Variants in RNF10 observed in about 807,000 individuals in gnomAD.
RNF10 encodes the protein ring finger protein 10, also known as E3 ubiquitin-protein ligase RNF10.
A neutral mutation model predicts 91.4 loss-of-function variants in RNF10; 38 were observed. The observed-to-expected ratio is 0.42, with a 90% CI of 0.32 to 0.54. The LOEUF (loss-of-function observed/expected upper bound fraction) is 0.54, where lower values mean the gene tolerates loss of function less well. Ranked by LOEUF, RNF10 falls within the 20% of genes least tolerant of loss-of-function variation. The pLI, the probability that RNF10 is intolerant of heterozygous loss-of-function variation, is 0.16. For synonymous variants in RNF10, 364 were observed against 366.3 expected (o/e 0.99, Z 0.07); for missense variants, 945 against 1,012.0 (o/e 0.93, Z 0.90).
chr12:120,546,584 G>T lies in RNF10; in HGVS notation c.337G>T (p.Gly113Cys), dbSNP rs1399859505. ...CAAACTCTTTAGCTCTTCTTTTAAT[G>T]GTGGAAGACGAGATGAGGTATGGAA... ...SSKLFSSSFNGGRRDEVAEAQ... is the reference protein window; with the variant it reads ...SSKLFSSSFNCGRRDEVAEAQ... Residue 113 changes from glycine to cysteine, a missense_variant, in exon 2 of 17, where the codon GGT becomes TGT. Coordinates refer to ENST00000325954, the MANE Select transcript of RNF10 (RefSeq NM_014868.5). The T allele has an allele frequency of 6.2e-7, 1 of 1,613,166 alleles. No homozygotes were observed. Among genetic ancestry groups the T allele is most frequent in the South Asian group, 1.1e-5 (1 of 91,008 alleles).
At chr12:120,540,145 A>G (rs1374354366) in intron 1 of RNF10, among the ~76,000 whole-genome samples, 1 of 142,940 alleles carries the variant, frequency 7.0e-6, no homozygotes, top group Admixed American at 7.1e-5. Flanking sequence ...TTTTTTTTGT[A>G]GAGATGGGGG....
intron 7 of RNF10, 83 bp from the exon 8 acceptor site, chr12:120,562,862 A>G (rs1875091990): frequency 6.4e-7 from 1 of 1,564,164 alleles, no homozygotes; most frequent in East Asian, 2.3e-5. Flanking sequence ...TCCTGTTGAG[A>G]GGCCATTCTA....
At chr12:120,558,404 T>C (rs959259306) in intron 6 of RNF10, among the ~76,000 whole-genome samples, 3 of 152,040 alleles carry the variant, frequency 2.0e-5, no homozygotes, top group Non-Finnish European at 4.4e-5. Context: ...CCTAGTGATT[T>C]TGACTGTTTA....
intron 7 of RNF10, among the ~76,000 whole-genome samples, chr12:120,561,148 A>G (rs1593094440): frequency 1.3e-5 from 2 of 152,310 alleles, no homozygotes; most frequent in East Asian, 3.9e-4. Context: ...GCAAGTCAAA[A>G]TGATTTTATA....
intron 10 of RNF10, among the ~76,000 whole-genome samples, chr12:120,564,733 T>C (rs1362267024): frequency 6.6e-6 from 1 of 152,254 alleles, no homozygotes; most frequent in African/African-American, 2.4e-5. Context: ...TGTTCTGTTT[T>C]TCTGCCAACA....
At position 120,566,922 on chromosome 12, in the gene RNF10, C is replaced by T. The variant is rs374793380; in HGVS notation, c.1983C>T (p.Thr661=). 5.0e-5 allele frequency: 80 copies of T among 1,613,636 alleles called. No homozygotes were observed. The African/African-American group carries it at 6.8e-4, about 14-fold the overall frequency. The stretch of plus-strand genomic sequence containing the variant: ...ATTCTGCTTTGGGTCCCACCAGCAC[C>T]GAGGGCCATGGGGCCCTCTCCATTT... ...SSDSALGPTS[T]EGHGALSISP... Residue 661 remains threonine (T), a synonymous_variant, in exon 13 of 17, where the codon ACC becomes ACT. Transcript: ENST00000325954.
At chr12:120,560,501 G>A (rs1379225702) in intron 6 of RNF10, among the ~76,000 whole-genome samples, 1 of 152,108 alleles carries the variant, frequency 6.6e-6, no homozygotes, top group Non-Finnish European at 1.5e-5. Flanking sequence ...CAATAAACGC[G>A]TGACTAAAGT....
At chr12:120,552,837 C>T in intron 3 of RNF10, 139 bp downstream of exon 3, 1 of 714,372 alleles carries the variant, frequency 1.4e-6, no homozygotes, top group Non-Finnish European at 2.3e-6. Context: ...CTGTTCACCA[C>T]TGCCCCGCCC....
chr12:120,549,912 A>G (rs1872794497), intron 2 of RNF10, among the ~76,000 whole-genome samples: 1 of 152,134 alleles, frequency 6.6e-6, no homozygotes, highest in Non-Finnish European at 1.5e-5. Flanking sequence ...GGGGGTAAAG[A>G]ATTGTTGGAG....
rs980630224 is a variant in RNF10 at position 120,534,804 on chromosome 12, C to T, written c.-8C>T. The T allele has an allele frequency of 6.4e-7, 1 of 1,565,908 alleles. No homozygotes were observed. Among genetic ancestry groups the T allele is most frequent in the African/African-American group, 1.4e-5 (1 of 73,152 alleles). On this transcript the variant is annotated 5_prime_UTR_variant, in exon 1 of 17. Transcript: ENST00000325954. ...CTCCGACTGCCGTCGCCGCCGAGGCCCCCGTTGATGCCGCTGAGCTCCCCC... is the reference window on the plus strand; with the variant it reads ...CTCCGACTGCCGTCGCCGCCGAGGCTCCCGTTGATGCCGCTGAGCTCCCCC...
intron 2 of RNF10, among the ~76,000 whole-genome samples, chr12:120,548,019 G>A (rs927427879): frequency 1.4e-4 from 22 of 152,154 alleles, no homozygotes; most frequent in African/African-American, 5.3e-4. Context: ...TGTGGGGTCT[G>A]AGCAGAGAAA....
At chr12:120,537,552 C>T (rs1200529674) in intron 1 of RNF10, among the ~76,000 whole-genome samples, 5 of 152,106 alleles carry the variant, frequency 3.3e-5, no homozygotes, top group Admixed American at 1.3e-4. Flanking sequence ...CCCTTGAAAC[C>T]GGGAGGCGGA....
At position 120,563,562 on chromosome 12, in the gene RNF10, A is replaced by T. The variant is rs771966728; in HGVS notation, c.1470A>T (p.Glu490Asp). The T allele has an allele frequency of 3.1e-6, 5 of 1,613,692 alleles. No homozygotes were observed. The African/African-American group carries it at 6.7e-5, about 22-fold the overall frequency. ...TTTGCACTGAGTCCAGCCAGCAGGA[A>T]CCCATCACCAAGTCAGGCTTCACAC... ...GTICTESSQQ[E>D]PITKSGFTRL... is the part of the protein sequence containing the mutation. The change falls in exon 9 of 17, where the codon GAA becomes GAT. Residue 490 changes from glutamate to aspartate, a missense_variant. Physicochemically the swap from Glu to Asp is conservative, Grantham distance 45. Coordinates refer to ENST00000325954, the MANE Select transcript of RNF10 (RefSeq NM_014868.5).
chr12:120,557,037 C>T (rs970004219), intron 4 of RNF10, among the ~76,000 whole-genome samples: 4 of 141,048 alleles, frequency 2.8e-5, no homozygotes, highest in East Asian at 4.2e-4. Flanking sequence ...CCAGCTACTC[C>T]AGAGGCTGAG....
Position 120,546,531 on chromosome 12 carries a change from T to A in RNF10, c.284T>A (p.Met95Lys). 6.2e-7 allele frequency: 1 copy of A among 1,614,216 alleles called. No homozygotes were observed. Among genetic ancestry groups the A allele is most frequent in the South Asian group, 1.1e-5 (1 of 91,090 alleles). The change falls in exon 2 of 17, where the codon ATG (methionine) becomes AAG (lysine). Residue 95 changes from methionine to lysine, a missense_variant. Physicochemically the swap from Met to Lys is moderately conservative, Grantham distance 95. Transcript: ENST00000325954. Reference protein sequence around the residue: ...SSQKSKTFNKMPPQRGGGSSK... With the variant: ...SSQKSKTFNKKPPQRGGGSSK... ...CAGAAAAGCAAGACTTTTAACAAGA[T>A]GCCTCCTCAAAGGGGCGGCGGCAGC...
At chr12:120,546,836 G>A (rs1039102533) in intron 2 of RNF10, among the ~76,000 whole-genome samples, 5 of 152,060 alleles carry the variant, frequency 3.3e-5, no homozygotes, top group African/African-American at 1.2e-4. Flanking sequence ...ACAAATTTGG[G>A]GTTCCTTAAT....
intron 2 of RNF10, among the ~76,000 whole-genome samples, chr12:120,548,903 C>T (rs1872673440): frequency 6.6e-6 from 1 of 151,890 alleles, no homozygotes; most frequent in African/African-American, 2.4e-5. Flanking sequence ...ATCTTCTGAC[C>T]TTGTGATCCG....
chr12:120,577,159 T>C lies in RNF10; in HGVS notation c.*493T>C, dbSNP rs571133541. On this transcript the variant is annotated 3_prime_UTR_variant, in exon 17 of 17. Coordinates refer to ENST00000325954, the MANE Select transcript of RNF10 (RefSeq NM_014868.5). ...GAAACAGGGGTGGGAATAAAATGGATTTAGGACACCCAGTTTGAATTGCAG... is the reference window on the plus strand; with the variant it reads ...GAAACAGGGGTGGGAATAAAATGGACTTAGGACACCCAGTTTGAATTGCAG... 1 of 452,064 alleles carries C rather than the reference T, an allele frequency of 2.2e-6. No individual in the cohort carries two copies. The highest frequency in any genetic ancestry group is 4.4e-6 in the Non-Finnish European group (1 of 225,554). The allele number at this position is 452,064 out of a possible 1,614,324, so 28.0% of individuals were successfully genotyped here.
intron 13 of RNF10, among the ~76,000 whole-genome samples, chr12:120,568,313 G>A (rs1175588992): frequency 6.6e-6 from 1 of 152,128 alleles, no homozygotes; most frequent in African/African-American, 2.4e-5. Flanking sequence ...TAAGGAATGA[G>A]ACTGGATTGA....
Sources: gnomAD v4.1 joint callset for allele counts (sites outside exome capture counted in the v4.1 genomes callset) on GRCh38, gnomAD v4.1.1 for gene constraint, MANE v1.5 for transcripts, NCBI Gene and HGNC (gene_info 2026-07-23, HGNC 2026-07-21) for gene names.